The following DSCAM variants were observed in gnomAD, a reference collection of about 807,000 sequenced individuals.
DSCAM encodes the protein DS cell adhesion molecule.
DSCAM carries 47 observed loss-of-function variants against 217.7 expected under a neutral mutation model. The observed-to-expected ratio is 0.22, with a 90% CI of 0.17 to 0.28. The LOEUF (loss-of-function observed/expected upper bound fraction) is 0.28. DSCAM is among the 10% of genes least tolerant of loss of function. The pLI is 1.00. For synonymous variants in DSCAM, 1,056 were observed against 1,015.3 expected (o/e 1.04, Z -0.76); for missense variants, 2,080 against 2,618.3 (o/e 0.79, Z 4.49).
At chr21:40,024,906 T>C (rs1026271332) in intron 32 of DSCAM, among the ~76,000 whole-genome samples, 2 of 81,300 alleles carry the variant, frequency 2.5e-5, no homozygotes, top group African/African-American at 8.7e-5. Context: ...TCCAACACTA[T>C]GTTGAATAGG....
intron 3 of DSCAM, among the ~76,000 whole-genome samples, chr21:40,553,904 A>C (rs2076649967): frequency 6.6e-6 from 1 of 152,172 alleles, no homozygotes; most frequent in East Asian, 1.9e-4. Context: ...GAGGCCCAAC[A>C]GGTTACGTGA....
intron 2 of DSCAM, among the ~76,000 whole-genome samples, chr21:40,699,538 T>C (rs1431413956): frequency 6.6e-6 from 1 of 152,220 alleles, no homozygotes; most frequent in Non-Finnish European, 1.5e-5. Flanking sequence ...GGAAAAGTTC[T>C]TGAAGGAAAT....
At chr21:40,352,259 G>C (rs1353019843) in intron 5 of DSCAM, among the ~76,000 whole-genome samples, 1 of 152,188 alleles carries the variant, frequency 6.6e-6, no homozygotes, top group Non-Finnish European at 1.5e-5. Context: ...AGAACAGGGA[G>C]CTAGGAGAGG....
intron 3 of DSCAM, among the ~76,000 whole-genome samples, chr21:40,545,618 C>G (rs55714611): frequency 0.3 from 45,014 of 151,900 alleles, 9,098 homozygotes; most frequent in African/African-American, 0.55. Context: ...TTCCTCATCT[C>G]TAAAACAGGT....
chr21:40,610,638 T>C (rs2837745), intron 3 of DSCAM, among the ~76,000 whole-genome samples: 31,502 of 152,206 alleles, frequency 0.21, 3,450 homozygotes, highest in East Asian at 0.31. Context: ...CTGCCTCTAA[T>C]CTGCATAATA....
chr21:40,503,308 G>A (rs2076184501), intron 3 of DSCAM, among the ~76,000 whole-genome samples: 1 of 152,184 alleles, frequency 6.6e-6, no homozygotes, highest in Non-Finnish European at 1.5e-5. Flanking sequence ...CGCCTGATAT[G>A]CTTCGACCAA....
intron 11 of DSCAM, among the ~76,000 whole-genome samples, chr21:40,233,797 T>C (rs1168454994): frequency 6.6e-6 from 1 of 152,190 alleles, no homozygotes; most frequent in Non-Finnish European, 1.5e-5. Context: ...CAAGCAGCAA[T>C]AACTCATAGC....
At chr21:40,537,559 G>T (rs1412568562) in intron 3 of DSCAM, among the ~76,000 whole-genome samples, 1 of 152,122 alleles carries the variant, frequency 6.6e-6, no homozygotes, top group East Asian at 1.9e-4. Context: ...TGGAAATAGG[G>T]TTGTCACAGA....
intron 3 of DSCAM, among the ~76,000 whole-genome samples, chr21:40,500,348 G>A (rs933615364): frequency 3.3e-5 from 5 of 151,968 alleles, no homozygotes; most frequent in Non-Finnish European, 7.4e-5. Context: ...GCTTATTTCT[G>A]TAGTCTATGT....
chr21:40,443,964 G>A (rs1280386976), intron 3 of DSCAM, among the ~76,000 whole-genome samples: 1 of 152,170 alleles, frequency 6.6e-6, no homozygotes, highest in Non-Finnish European at 1.5e-5. Flanking sequence ...AAGAAAGTAA[G>A]TGAAGAAAAA....
At chr21:40,496,953 A>T (rs143449517) in intron 3 of DSCAM, among the ~76,000 whole-genome samples, 1 of 152,296 alleles carries the variant, frequency 6.6e-6, no homozygotes, top group African/African-American at 2.4e-5. Flanking sequence ...GTCACCTCAC[A>T]CTTATCAGAT....
intron 15 of DSCAM, among the ~76,000 whole-genome samples, chr21:40,171,760 T>G (rs2090660817): frequency 6.6e-6 from 1 of 152,148 alleles, no homozygotes; most frequent in African/African-American, 2.4e-5. Flanking sequence ...TATAAAAAAT[T>G]TCCCTTCTTT....
chr21:40,140,257 C>T (rs1262650115), intron 18 of DSCAM, among the ~76,000 whole-genome samples: 2 of 152,188 alleles, frequency 1.3e-5, no homozygotes, highest in Non-Finnish European at 2.9e-5. Context: ...CAGACTTCTA[C>T]ATCGCACATT....
intron 3 of DSCAM, among the ~76,000 whole-genome samples, chr21:40,389,696 T>C (rs2075116820): frequency 6.6e-6 from 1 of 152,190 alleles, no homozygotes; most frequent in Non-Finnish European, 1.5e-5. Flanking sequence ...AAAGAAGATA[T>C]AGCCTGTTAC....
intron 30 of DSCAM, 121 bp downstream of exon 30, chr21:40,051,837 C>T: frequency 1.5e-6 from 2 of 1,291,072 alleles, no homozygotes; most frequent in East Asian, 2.5e-5. Flanking sequence ...TGTTATTATA[C>T]CCATTTGTTT....
chr21:40,371,845 T>C (rs1036679250), intron 3 of DSCAM, among the ~76,000 whole-genome samples: 2 of 152,200 alleles, frequency 1.3e-5, no homozygotes, highest in African/African-American at 4.8e-5. Flanking sequence ...GTGGCAATTA[T>C]TTATTTCCTG....
intron 10 of DSCAM, 31 bp downstream of exon 10, chr21:40,296,024 C>A: frequency 6.2e-7 from 1 of 1,600,004 alleles, no homozygotes; most frequent in Non-Finnish European, 8.5e-7. Context: ...AAATGTTTGA[C>A]AGGTAACAAG....
intron 11 of DSCAM, among the ~76,000 whole-genome samples, chr21:40,202,249 C>A (rs769291755): frequency 6.6e-6 from 1 of 152,228 alleles, no homozygotes; most frequent in Non-Finnish European, 1.5e-5. Flanking sequence ...AGAAGGCAAG[C>A]AGTTTCCATG....
At position 40,339,412 on chromosome 21, in the gene DSCAM, C is replaced by A; in HGVS notation, c.1214G>T (p.Gly405Val). ...QDYVQVVLED[G>V]TPKIISAFSE... is the part of the protein sequence containing the mutation. The stretch of plus-strand genomic sequence containing the variant: ...AAAGGCAGAAATAATTTTGGGAGTT[C>A]CATCTGCAGGAAAACAAATTATGGA... Residue 405 changes from glycine (G) to valine (V), a missense_variant, in exon 7 of 33, where the codon GGA becomes GTA. Gly to Val is a moderately radical substitution (Grantham distance 109). Transcript: ENST00000400454. 6.3e-7 allele frequency: 1 copy of A among 1,596,382 alleles called. No homozygotes were observed. The highest frequency in any genetic ancestry group is 2.2e-5 in the East Asian group (1 of 44,476).
Sources: gnomAD v4.1 joint callset for allele counts (sites outside exome capture counted in the v4.1 genomes callset) on GRCh38, gnomAD v4.1.1 for gene constraint, MANE v1.5 for transcripts, NCBI Gene and HGNC (gene_info 2026-07-23, HGNC 2026-07-21) for gene names.